The following SLC12A1 variants were observed in gnomAD, a reference collection of about 807,000 sequenced individuals.
SLC12A1 encodes Na-K-2Cl cotransporter.
A neutral mutation model predicts 130.4 loss-of-function variants in SLC12A1; 89 were observed. The observed-to-expected ratio is 0.68, with a 90% CI of 0.58 to 0.81. The LOEUF is 0.81. Ranked by LOEUF, SLC12A1 falls within the 40% of genes least tolerant of loss-of-function variation. The probability of loss-of-function intolerance (pLI) is 0.00; values close to 1 mark genes in which losing one functional copy is unlikely to be tolerated. For synonymous variants in SLC12A1, 499 were observed against 460.0 expected, an observed-to-expected ratio of 1.08 and a Z score of -1.09; for missense variants, 1,310 against 1,336.4, an observed-to-expected ratio of 0.98 and a Z score of 0.31.
At position 48,296,177 on chromosome 15, in the gene SLC12A1, C is replaced by T. The variant is rs532008640; in HGVS notation, c.2961-2963C>T. Among the ~76,000 whole-genome samples, 95 of 152,272 alleles carry T rather than the reference C, an allele frequency of 6.2e-4. 1 individual carries two copies. The highest frequency in any genetic ancestry group is 2.8e-3 in the Admixed American group (43 of 15,290). On this transcript the variant is annotated intron_variant, in intron 24 of 26. Transcript: ENST00000380993. ...TCACTCACTATTCTTTCTTGGTTGC[C>T]GGGTGATACACAATGTCAAAAATAG...
intron 4 of SLC12A1, chr15:48,221,500 G>A: frequency 1.6e-6 from 1 of 639,952 alleles, no homozygotes; most frequent in Non-Finnish European, 2.8e-6. Flanking sequence ...GAAAACAAAG[G>A]TTAATCAAAT....
At chr15:48,231,158 A>G (rs2041371890) in intron 7 of SLC12A1, among the ~76,000 whole-genome samples, 1 of 152,204 alleles carries the variant, frequency 6.6e-6, no homozygotes. Flanking sequence ...CCTCCCACCT[A>G]TAAGTCAATA....
chr15:48,224,999 C>T (rs2141024781), intron 4 of SLC12A1: 1 of 152,170 alleles, frequency 6.6e-6, no homozygotes, highest in South Asian at 2.1e-4. Context: ...CATTACCTGC[C>T]ACATAGCTGG....
Position 48,207,639 on chromosome 15 carries a change from T to C in SLC12A1, c.-81T>C. On this transcript the variant is annotated 5_prime_UTR_variant, in exon 2 of 27. Transcript: ENST00000380993. ...GAGCTCCCTAATGGAAGCACATTAG[T>C]GTTTATTTTGATGAAGAAATATATA... 1 of 1,210,600 alleles carries C rather than the reference T, an allele frequency of 8.3e-7. No individual in the cohort carries two copies. The highest frequency in any genetic ancestry group is 2.5e-4 in the Middle Eastern group (1 of 3,932). The allele number at this position is 1,210,600 out of a possible 1,614,324, so 75.0% of individuals were successfully genotyped here. A position where few individuals can be genotyped will look rare whatever the true frequency, so the allele number is the denominator to read the frequency against.
chr15:48,216,925 C>T (rs2413889), intron 2 of SLC12A1, among the ~76,000 whole-genome samples: 134,491 of 152,184 alleles, frequency 0.88, 61,340 homozygotes, highest in Non-Finnish European at 1. Flanking sequence ...GACTGCATTG[C>T]ATAGACCTAT....
At chr15:48,280,023 A>G (rs1336480788) in intron 20 of SLC12A1, among the ~76,000 whole-genome samples, 1 of 151,938 alleles carries the variant, frequency 6.6e-6, no homozygotes, top group Non-Finnish European at 1.5e-5. Flanking sequence ...AAGAAAAAGG[A>G]TGCTGTAAAA....
chr15:48,247,596 A>C, intron 13 of SLC12A1, 136 bp downstream of exon 13: 1 of 683,530 alleles, frequency 1.5e-6, no homozygotes, highest in Non-Finnish European at 2.4e-6. Flanking sequence ...TAAGAAGGAA[A>C]TGAGAAATCC....
At chr15:48,267,129 T>C (rs754985147) in intron 17 of SLC12A1, among the ~76,000 whole-genome samples, 5 of 152,208 alleles carry the variant, frequency 3.3e-5, no homozygotes, top group Non-Finnish European at 7.3e-5. Flanking sequence ...GGTCACCATG[T>C]TCTACCTCCC....
At chr15:48,264,664 A>G (rs1286413062) in intron 17 of SLC12A1, among the ~76,000 whole-genome samples, 3 of 152,128 alleles carry the variant, frequency 2.0e-5, no homozygotes, top group Admixed American at 6.5e-5. Flanking sequence ...AAAGGGAAAA[A>G]TTTTCTTTCC....
intron 23 of SLC12A1, among the ~76,000 whole-genome samples, chr15:48,291,107 A>G (rs1181032038): frequency 6.6e-6 from 1 of 151,942 alleles, no homozygotes; most frequent in Non-Finnish European, 1.5e-5. Context: ...ATAAATATAA[A>G]GAGAGAGAAA....
At position 48,285,191 on chromosome 15, in the gene SLC12A1, C is replaced by A; in HGVS notation, c.2571C>A (p.Ile857=). 6.2e-7 allele frequency: 1 copy of A among 1,613,780 alleles called. No individual in the cohort carries two copies. The highest frequency in any genetic ancestry group is 1.3e-5 in the African/African-American group (1 of 75,002). ...AGTGTGAAGAGGAAAGTGGAGGCAT[C>A]CGAGGCTTGTTTAAAAAAGCTGGCA... ...DNECEEESGG[I]RGLFKKAGKL... The change falls in exon 21 of 27, where the codon ATC becomes ATA. Residue 857 remains isoleucine, a synonymous_variant. Transcript: ENST00000380993.
At chr15:48,227,079 G>C (rs1299467468) in intron 5 of SLC12A1, 7 of 1,550,866 alleles carry the variant, frequency 4.5e-6, no homozygotes, top group Non-Finnish European at 6.1e-6. Flanking sequence ...GATTTTGCAG[G>C]TCTTGGAGTC....
At chr15:48,286,901 G>A (rs1242798420) in intron 21 of SLC12A1, among the ~76,000 whole-genome samples, 1 of 152,180 alleles carries the variant, frequency 6.6e-6, no homozygotes, top group Non-Finnish European at 1.5e-5. Flanking sequence ...CTGTAAGTGA[G>A]GGCAGAGCTT....
intron 2 of SLC12A1, among the ~76,000 whole-genome samples, chr15:48,213,246 C>A (rs959919654): frequency 7.2e-5 from 11 of 152,152 alleles, no homozygotes; most frequent in Non-Finnish European, 1.2e-4. Context: ...TTAACTCATT[C>A]AACAGCTGTA....
intron 9 of SLC12A1, among the ~76,000 whole-genome samples, chr15:48,238,091 T>G (rs1276179479): frequency 6.6e-6 from 1 of 152,218 alleles, no homozygotes; most frequent in Non-Finnish European, 1.5e-5. Flanking sequence ...AAGTGCACAC[T>G]TAGAAAATTG....
At chr15:48,255,079 T>C (rs565110602) in intron 15 of SLC12A1, among the ~76,000 whole-genome samples, 32 of 152,148 alleles carry the variant, frequency 2.1e-4, no homozygotes, top group Non-Finnish European at 4.1e-4. Flanking sequence ...TATTCAGTTT[T>C]ACTATTCAAA....
In SLC12A1 at chr15:48,251,656, C is replaced by T; in HGVS notation, c.1828C>T (p.Leu610Phe). 6.2e-7 allele frequency: 1 copy of T among 1,613,794 alleles called. No individual in the cohort carries two copies. ...AYGIYNMWVS[L>F]FGAVLCCAVM... Reference sequence around the variant, plus strand: ...TGGAATTTACAACATGTGGGTATCTCTTTTTGGAGCTGTTTTGTGCTGTGC... The same window carrying T: ...TGGAATTTACAACATGTGGGTATCTTTTTTTGGAGCTGTTTTGTGCTGTGC... The change falls in exon 15 of 27, where the codon CTT (leucine) becomes TTT (phenylalanine). Residue 610 changes from leucine to phenylalanine, a missense_variant. By Grantham distance (22) the Leu-to-Phe change is conservative (BLOSUM62 0). Coordinates refer to ENST00000380993, the MANE Select transcript of SLC12A1 (RefSeq NM_000338.3).
rs7174935 is a variant in SLC12A1, at chr15:48,301,054, T to G, written c.3097-261T>G. Among the ~76,000 whole-genome samples the G allele has an allele frequency of 0.019, 2,954 of 152,278 alleles. 111 individuals are homozygous for G. Among genetic ancestry groups the G allele is most frequent in the African/African-American group, 0.068 (2,829 of 41,534 alleles). ...AACACCTTCTTTTTAGTGTTATCTATGTTGTTTGCTTCCCCTCTCCCTAGA... is the reference window on the plus strand; with the variant it reads ...AACACCTTCTTTTTAGTGTTATCTAGGTTGTTTGCTTCCCCTCTCCCTAGA... On this transcript the variant is annotated intron_variant, in intron 25 of 26. Transcript: ENST00000380993.
rs532008599 is a variant in SLC12A1, at chr15:48,287,567, T to C, written c.2630-476T>C. On this transcript the variant is annotated intron_variant, in intron 21 of 26. Coordinates refer to ENST00000380993, the MANE Select transcript of SLC12A1 (RefSeq NM_000338.3). ...GAACTTAAACCAAAATAGTGCTTCATGAATCAATTCCCTAATGAACGGATA... is the reference window on the plus strand; with the variant it reads ...GAACTTAAACCAAAATAGTGCTTCACGAATCAATTCCCTAATGAACGGATA... Among the ~76,000 whole-genome samples the C allele has an allele frequency of 7.9e-5, 12 of 152,342 alleles. No individual in the cohort carries two copies. In the East Asian group the frequency reaches 2.3e-3, roughly 29 times the overall value.
Sources: allele counts gnomAD v4.1 joint callset (sites outside exome capture counted in the v4.1 genomes callset), GRCh38; gene constraint gnomAD v4.1.1; transcripts MANE v1.5; gene names NCBI Gene and HGNC (gene_info 2026-07-23, HGNC 2026-07-21).